The following FLACC1 variants were observed in gnomAD, a reference collection of about 807,000 sequenced individuals.
The protein encoded by FLACC1 is flagellum-associated coiled-coil domain-containing protein 1.
FLACC1 carries 66 observed loss-of-function variants against 62.8 expected under a neutral mutation model. The ratio of observed to expected loss-of-function variants is 1.05; its 90% CI spans 0.86 to 1.29. FLACC1 has a LOEUF of 1.29. Ranked by LOEUF, FLACC1 falls within the 50% of genes most tolerant of loss-of-function variation. The pLI is 0.00. For missense variants in FLACC1, 452 were observed against 489.1 expected (o/e 0.92, Z 0.71); for synonymous variants, 156 against 161.0 (o/e 0.97, Z 0.24).
chr2:201,301,744 T>C lies in FLACC1; in HGVS notation c.880-2444A>G, dbSNP rs61388315. 9.2e-3 allele frequency among the ~76,000 whole-genome samples: 1,397 copies of C among 152,242 alleles called. 29 individuals are homozygous for C. Among genetic ancestry groups the C allele is most frequent in the African/African-American group, 0.032 (1,338 of 41,534 alleles). The stretch of plus-strand genomic sequence containing the variant: ...TAACAGTGGATCTCTCGGCAGAAAC[T>C]CTATCTACAAGCCAGAAGAGAGTGG... On this transcript the variant is annotated intron_variant, in intron 11 of 14. Transcript: ENST00000392257.
At chr2:201,314,471 A>T (rs1950274454) in intron 9 of FLACC1, among the ~76,000 whole-genome samples, 1 of 152,188 alleles carries the variant, frequency 6.6e-6, no homozygotes. Flanking sequence ...TTTTGAATTA[A>T]CCCAATCCAA....
chr2:201,346,780 G>A lies in FLACC1; in HGVS notation c.235-105C>T. On this transcript the variant is annotated intron_variant, in intron 4 of 14. Coordinates refer to ENST00000392257, the MANE Select transcript of FLACC1 (RefSeq NM_001127391.3). The surrounding 1 kb of genome is among the most constrained non-coding windows in gnomAD (Gnocchi z 4.0). The stretch of plus-strand genomic sequence containing the variant: ...TCACATCTTAAAAACAGGGACCTGG[G>A]ACTCCACAGCCCAAGCCCTTCTGGG... 6 of 1,440,760 alleles carry A rather than the reference G, an allele frequency of 4.2e-6. No individual in the cohort carries two copies. Among genetic ancestry groups the A allele is most frequent in the Non-Finnish European group, 5.7e-6 (6 of 1,050,766 alleles). 89.2% of individuals were successfully genotyped at this position (1,440,760 alleles called of 1,614,324 possible).
chr2:201,336,568 T>C (rs748155555), intron 7 of FLACC1, among the ~76,000 whole-genome samples: 16 of 152,204 alleles, frequency 1.1e-4, no homozygotes, highest in Non-Finnish European at 2.2e-4. Context: ...CTGTCTCAAG[T>C]TCTTTGAGAA....
chr2:201,300,737 C>T (rs773657034), intron 11 of FLACC1, among the ~76,000 whole-genome samples: 3 of 152,100 alleles, frequency 2.0e-5, no homozygotes, highest in South Asian at 2.1e-4. Context: ...TTCAGAGAAA[C>T]GATCAGGCAG....
At chr2:201,318,137 A>T (rs752600723) in intron 9 of FLACC1, among the ~76,000 whole-genome samples, 3 of 152,254 alleles carry the variant, frequency 2.0e-5, no homozygotes, top group Non-Finnish European at 2.9e-5. Flanking sequence ...TGAAAATATA[A>T]AAATTCTAGA....
At chr2:201,305,420 A>G (rs1950082108) in intron 11 of FLACC1, among the ~76,000 whole-genome samples, 1 of 152,226 alleles carries the variant, frequency 6.6e-6, no homozygotes, top group Non-Finnish European at 1.5e-5. Flanking sequence ...CGATCATTAA[A>G]AAGTCAGGAA....
rs114962225 is a variant in FLACC1, at chr2:201,342,014, C to T, written c.524+356G>A. Among the ~76,000 whole-genome samples, 495 of 152,148 alleles carry T rather than the reference C, an allele frequency of 3.3e-3. 4 individuals are homozygous for T. Among genetic ancestry groups the T allele is most frequent in the African/African-American group, 0.011 (465 of 41,492 alleles). ...AAAAAGAGGAGGAGGAAGAGAAGAA[C>T]GAGGAGATGGTGGAGGAGGAGCCTT... On this transcript the variant is annotated intron_variant, in intron 7 of 14. Coordinates refer to ENST00000392257, the MANE Select transcript of FLACC1 (RefSeq NM_001127391.3).
chr2:201,339,071 T>C (rs908710085), intron 7 of FLACC1, among the ~76,000 whole-genome samples: 3 of 152,194 alleles, frequency 2.0e-5, no homozygotes, highest in Non-Finnish European at 2.9e-5. Flanking sequence ...GGAGACTTTT[T>C]ATTACTGATT....
chr2:201,309,044 C>T, intron 10 of FLACC1, 107 bp downstream of exon 10: 1 of 873,536 alleles, frequency 1.1e-6, no homozygotes, highest in Non-Finnish European at 1.9e-6. Context: ...AGCATGTGGC[C>T]CATCACCCTT....
intron 7 of FLACC1, among the ~76,000 whole-genome samples, chr2:201,338,593 G>A (rs992553906): frequency 6.6e-6 from 1 of 152,004 alleles, no homozygotes; most frequent in Non-Finnish European, 1.5e-5. Context: ...CTAGCTTGTT[G>A]AAAGGTTTTA....
chr2:201,327,235 A>G (rs1950513944), intron 9 of FLACC1, among the ~76,000 whole-genome samples: 1 of 152,180 alleles, frequency 6.6e-6, no homozygotes, highest in African/African-American at 2.4e-5. Context: ...AGACATTAGA[A>G]AAACTCTTCC....
intron 1 of FLACC1, among the ~76,000 whole-genome samples, chr2:201,353,876 G>T (rs1951072914): frequency 6.6e-6 from 1 of 152,138 alleles, no homozygotes; most frequent in Non-Finnish European, 1.5e-5. Context: ...GGGATTACAG[G>T]CATGAGCCAC....
intron 1 of FLACC1, among the ~76,000 whole-genome samples, chr2:201,352,820 C>T (rs567783199): frequency 1.3e-5 from 2 of 152,200 alleles, no homozygotes; most frequent in East Asian, 3.9e-4. Context: ...AATGAAAGAT[C>T]TTGAGATAGA....
At chr2:201,316,777 TTGA>T (rs1337464490) in intron 9 of FLACC1, among the ~76,000 whole-genome samples, 7 of 152,196 alleles carry the variant, frequency 4.6e-5, no homozygotes, top group Admixed American at 2.0e-4. Context: ...ACCAATATCC[TTGA>T]TGAACATAGA....
chr2:201,304,979 C>A (rs758036093), intron 11 of FLACC1, among the ~76,000 whole-genome samples: 26 of 152,042 alleles, frequency 1.7e-4, no homozygotes, highest in Non-Finnish European at 3.1e-4. Flanking sequence ...CCATAAAAAC[C>A]CTAGAGGGAA....
At chr2:201,302,843 C>G (rs1438291356) in intron 11 of FLACC1, among the ~76,000 whole-genome samples, 2 of 152,086 alleles carry the variant, frequency 1.3e-5, no homozygotes, top group Non-Finnish European at 2.9e-5. Context: ...GGGTACATAA[C>G]AAAATGAAGG....
chr2:201,332,627 TTAC>T, intron 7 of FLACC1, among the ~76,000 whole-genome samples: 1 of 152,240 alleles, frequency 6.6e-6, no homozygotes, highest in East Asian at 1.9e-4. Context: ...TTAACTATAT[TTAC>T]TACTCTGTGC....
intron 9 of FLACC1, among the ~76,000 whole-genome samples, chr2:201,319,572 GC>G (rs1950364684): frequency 6.6e-6 from 1 of 152,056 alleles, no homozygotes; most frequent in Admixed American, 6.6e-5. Flanking sequence ...AAGTAAACAG[GC>G]AACCTACAAA....
chr2:201,357,641 T>C (rs976289481), upstream of FLACC1, among the ~76,000 whole-genome samples: 3 of 152,212 alleles, frequency 2.0e-5, no homozygotes, highest in African/African-American at 4.8e-5. Context: ...TCTATGGCAA[T>C]AGTTACCAGG....
Sources: gnomAD v4.1 joint callset for allele counts (sites outside exome capture counted in the v4.1 genomes callset) on GRCh38, gnomAD v4.1.1 for gene constraint, Gnocchi (gnomAD v3.1) non-coding constraint, MANE v1.5 for transcripts, NCBI Gene and HGNC (gene_info 2026-07-23, HGNC 2026-07-21) for gene names.